Variants in HUNK observed in about 807,000 individuals in gnomAD.
The protein encoded by HUNK is hormonally up-regulated Neu-associated kinase.
HUNK carries 21 observed loss-of-function variants against 61.0 expected under a neutral mutation model. The ratio of observed to expected loss-of-function variants is 0.34; its 90% CI spans 0.24 to 0.50. The LOEUF (loss-of-function observed/expected upper bound fraction) is 0.50. Among genes scored for constraint, HUNK ranks in the 20% least tolerant of loss-of-function variants. The pLI is 0.98. For synonymous variants in HUNK, 371 were observed against 386.1 expected, an observed-to-expected ratio of 0.96 and a Z score of 0.46; for missense variants, 772 against 945.7, an observed-to-expected ratio of 0.82 and a Z score of 2.41.
intron 7 of HUNK, among the ~76,000 whole-genome samples, chr21:31,978,750 ATTTCC>A (rs1462869661): frequency 6.6e-6 from 1 of 152,098 alleles, no homozygotes; most frequent in Non-Finnish European, 1.5e-5. Context: ...CACAATAGCC[ATTTCC>A]TGGCTATTGT....
At chr21:31,879,487 A>G (rs1215178499) in intron 1 of HUNK, among the ~76,000 whole-genome samples, 1 of 152,234 alleles carries the variant, frequency 6.6e-6, no homozygotes, top group Non-Finnish European at 1.5e-5. Context: ...CCTAGTGTTC[A>G]TTGATACAGG....
At chr21:31,891,007 G>A (rs968598135) in intron 1 of HUNK, among the ~76,000 whole-genome samples, 15 of 151,966 alleles carry the variant, frequency 9.9e-5, no homozygotes, top group African/African-American at 2.7e-4. Context: ...TAAATTTGAC[G>A]GTTTAATTAG....
chr21:31,881,351 G>A (rs571964866), intron 1 of HUNK, among the ~76,000 whole-genome samples: 1 of 152,128 alleles, frequency 6.6e-6, no homozygotes, highest in Non-Finnish European at 1.5e-5. Flanking sequence ...GTATGGCCAG[G>A]CGTGGTGGCT....
chr21:31,997,826 T>C (rs2123261680), intron 10 of HUNK, among the ~76,000 whole-genome samples: 1 of 152,340 alleles, frequency 6.6e-6, no homozygotes, highest in East Asian at 1.9e-4. Context: ...TCAAGGGACC[T>C]TGGTGTGCTT....
chr21:31,938,075 G>A (rs1291823105), intron 2 of HUNK, among the ~76,000 whole-genome samples: 1 of 152,180 alleles, frequency 6.6e-6, no homozygotes, highest in Non-Finnish European at 1.5e-5. Flanking sequence ...TGGCAACTCT[G>A]AATCTGTTGG....
At chr21:31,874,982 G>A (rs1018510657) in intron 1 of HUNK, among the ~76,000 whole-genome samples, 15 of 152,150 alleles carry the variant, frequency 9.9e-5, no homozygotes, top group Admixed American at 9.8e-4. Flanking sequence ...AGCCAATCCA[G>A]GCTGGAGCTG....
At chr21:31,964,447 T>C (rs2052949448) in intron 5 of HUNK, among the ~76,000 whole-genome samples, 1 of 152,148 alleles carries the variant, frequency 6.6e-6, no homozygotes, top group African/African-American at 2.4e-5. Flanking sequence ...AAGCTGATGG[T>C]TCATGAAAGA....
At chr21:31,941,411 A>T (rs547388298) in intron 3 of HUNK, among the ~76,000 whole-genome samples, 2 of 151,212 alleles carry the variant, frequency 1.3e-5, no homozygotes, top group Admixed American at 1.3e-4. Context: ...GGTTCAAGCG[A>T]TTCTCCTGTC....
intron 10 of HUNK, among the ~76,000 whole-genome samples, chr21:31,997,040 T>C (rs1410717878): frequency 1.3e-5 from 2 of 152,246 alleles, no homozygotes; most frequent in Non-Finnish European, 1.5e-5. Flanking sequence ...CCTGTGTGTT[T>C]ATTTCTGCAA....
chr21:31,873,117 G>A lies in HUNK; in HGVS notation c.-558G>A, dbSNP rs2123781586. Among the ~76,000 whole-genome samples, 1 of 152,282 alleles carries A rather than the reference G, an allele frequency of 6.6e-6. No individual in the cohort carries two copies. Among genetic ancestry groups the A allele is most frequent in the Non-Finnish European group, 1.5e-5 (1 of 68,018 alleles). On this transcript the variant is annotated 5_prime_UTR_variant, in exon 1 of 11. Coordinates refer to ENST00000270112, the MANE Select transcript of HUNK (RefSeq NM_014586.2). This position sits in a 1 kb window ranked among gnomAD's most constrained non-coding sequence, Gnocchi z 6.1. ...ATTTCTGCAAATTCAAACTGAATGG[G>A]GCTTTCTTCTGCTGCCTTCCAGAGG...
rs181231266 is a variant in HUNK, at chr21:31,888,980, C to T, written c.261+15045C>T. On this transcript the variant is annotated intron_variant, in intron 1 of 10. Coordinates refer to ENST00000270112, the MANE Select transcript of HUNK (RefSeq NM_014586.2). ...GGTAGCTCTCTGAGTAGCTCTGGTT[C>T]GCATCAGTCTAACTCTAGTAGTACT... Among the ~76,000 whole-genome samples, 408 of 152,148 alleles carry T rather than the reference C, an allele frequency of 2.7e-3. 3 individuals carry two copies. The highest frequency in any genetic ancestry group is 4.8e-3 in the Non-Finnish European group (325 of 67,998).
intron 1 of HUNK, among the ~76,000 whole-genome samples, chr21:31,893,029 T>A (rs1016705): frequency 0.23 from 35,197 of 152,038 alleles, 5,033 homozygotes; most frequent in Admixed American, 0.37. Context: ...GGGAAAAATG[T>A]CTTCCCTCCA....
intron 1 of HUNK, among the ~76,000 whole-genome samples, chr21:31,919,068 TGAGGGGCTGGACTGAGCGGTATGAGGAG>T (rs1568925145): frequency 9.6e-5 from 8 of 83,530 alleles, no homozygotes; most frequent in Non-Finnish European, 1.1e-4. Flanking sequence ...GGTATGAGGA[TGAGGGGCTGGACTGAGCGGTATGAGGAG>T]GAGGGGCTGG....
At chr21:31,976,103 C>T (rs1340559172) in intron 7 of HUNK, among the ~76,000 whole-genome samples, 1 of 152,060 alleles carries the variant, frequency 6.6e-6, no homozygotes, top group Non-Finnish European at 1.5e-5. Context: ...GAAGTACTCT[C>T]AACAATAAAG....
chr21:31,874,037 G>C lies in HUNK; in HGVS notation c.261+102G>C, dbSNP rs966562293. The C allele has an allele frequency of 3.4e-6, 3 of 889,954 alleles. No homozygotes were observed. In the African/African-American group the frequency reaches 5.2e-5, roughly 15 times the overall value. 55.1% of individuals were successfully genotyped at this position (889,954 alleles called of 1,614,324 possible). A position where few individuals can be genotyped will look rare whatever the true frequency, so the allele number is the denominator to read the frequency against. ...CTGGGAGTCCCAGTGTGCAGTCCCGGGCCAAGCGCCTTCCCCCTCCGCCCG... is the reference window on the plus strand; with the variant it reads ...CTGGGAGTCCCAGTGTGCAGTCCCGCGCCAAGCGCCTTCCCCCTCCGCCCG... On this transcript the variant is annotated intron_variant, in intron 1 of 10. Transcript: ENST00000270112.
At chr21:31,938,167 C>T (rs1005189672) in intron 2 of HUNK, among the ~76,000 whole-genome samples, 1 of 152,184 alleles carries the variant, frequency 6.6e-6, no homozygotes, top group East Asian at 1.9e-4. Flanking sequence ...CCTGTGACAA[C>T]AGCCTGGCTG....
At chr21:31,943,561 T>C (rs1279918827) in intron 3 of HUNK, among the ~76,000 whole-genome samples, 2 of 152,222 alleles carry the variant, frequency 1.3e-5, no homozygotes, top group East Asian at 1.9e-4. Flanking sequence ...TCTACAAATA[T>C]ATTTTAAATC....
At chr21:31,983,399 A>G in intron 7 of HUNK, 127 bp from the exon 8 acceptor site, 4 of 736,794 alleles carry the variant, frequency 5.4e-6, no homozygotes, top group East Asian at 2.6e-5. Flanking sequence ...TGATGTTGCA[A>G]TTTACTGGAC....
chr21:31,921,362 G>A (rs914172100), intron 1 of HUNK, among the ~76,000 whole-genome samples: 1 of 150,758 alleles, frequency 6.6e-6, no homozygotes, highest in Non-Finnish European at 1.5e-5. Flanking sequence ...AGATGCTGTT[G>A]TATAGGGACG....
Sources: gnomAD v4.1 joint callset for allele counts (sites outside exome capture counted in the v4.1 genomes callset) on GRCh38, gnomAD v4.1.1 for gene constraint, Gnocchi (gnomAD v3.1) non-coding constraint, MANE v1.5 for transcripts, NCBI Gene and HGNC (gene_info 2026-07-23, HGNC 2026-07-21) for gene names.